Variants in NACC2 observed in about 807,000 individuals in gnomAD.
NACC2 encodes the protein NACC family member 2.
NACC2 carries 8 observed loss-of-function variants against 25.1 expected under a neutral mutation model. That is an observed-to-expected ratio of 0.32 (90% CI 0.19 to 0.57). NACC2 has a LOEUF of 0.57. Ranked by LOEUF, NACC2 falls within the 20% of genes least tolerant of loss-of-function variation. NACC2 has a pLI of 0.89. For missense variants in NACC2, 644 were observed against 650.2 expected (o/e 0.99, Z 0.10); for synonymous variants, 435 against 294.7 (o/e 1.48, Z -4.88).
At chr9:136,081,895 C>T (rs1229484228) in intron 1 of NACC2, among the ~76,000 whole-genome samples, 3 of 152,000 alleles carry the variant, frequency 2.0e-5, no homozygotes, top group Non-Finnish European at 4.4e-5. Flanking sequence ...GTCTTTGCAC[C>T]GCTTCTCGCA....
At chr9:136,071,183 A>G (rs1259134168) in intron 1 of NACC2, among the ~76,000 whole-genome samples, 1 of 151,638 alleles carries the variant, frequency 6.6e-6, no homozygotes, top group Non-Finnish European at 1.5e-5. Flanking sequence ...CGGTGAGCCA[A>G]GATCATGCCA....
At chr9:136,012,654 T>TG (rs1840128897) in intron 5 of NACC2, among the ~76,000 whole-genome samples, 1 of 35,004 alleles carries the variant, frequency 2.9e-5, no homozygotes, top group Admixed American at 2.7e-4. Flanking sequence ...CTCACAAGGT[T>TG]TTTTTTTTTT....
chr9:136,054,527 AGCAGACACACGGGG>A (rs1370732654), intron 1 of NACC2, among the ~76,000 whole-genome samples: 1 of 152,178 alleles, frequency 6.6e-6, no homozygotes, highest in Non-Finnish European at 1.5e-5. Context: ...GGGCCAGGAA[AGCAGACACACGGGG>A]GCTGACCCTC....
chr9:136,034,191 C>T (rs1025198962), intron 2 of NACC2, among the ~76,000 whole-genome samples: 40 of 152,186 alleles, frequency 2.6e-4, no homozygotes, highest in South Asian at 1.7e-3. Context: ...AGGCCAGCGG[C>T]GGAAAAGACC....
Position 136,013,675 on chromosome 9 carries a change from G to A in NACC2, c.1157+189C>T, listed in dbSNP as rs919944008. ...CACAAGCCCGTTTGAGAAAGGCCAC[G>A]AAAGACAGCCCCTCCCTCCCTCCCT... On this transcript the variant is annotated intron_variant, in intron 4 of 5. Coordinates refer to ENST00000277554, the MANE Select transcript of NACC2 (RefSeq NM_144653.5). This position sits in a 1 kb window ranked among gnomAD's most constrained non-coding sequence, Gnocchi z 6.6. 1.3e-5 allele frequency among the ~76,000 whole-genome samples: 2 copies of A among 152,152 alleles called. No homozygotes were observed. Among genetic ancestry groups the A allele is most frequent in the African/African-American group, 2.4e-5 (1 of 41,432 alleles).
rs947312066 is a variant in NACC2 at position 136,050,070 on chromosome 9, G to A, written c.452C>T (p.Pro151Leu). ...EPQSPCNQLQ[P>L]AAAAAAPYVV... ...GTAGGGGGCCGCGGCGGCGGCGGCC[G>A]GCTGCAGCTGGTTGCAGGGGCTCTG... is the stretch of plus-strand genomic sequence containing the variant. The change falls in exon 2 of 6, where the codon CCG (proline) becomes CTG (leucine). Residue 151 changes from proline (P) to leucine (L), a missense_variant. By Grantham distance (98) the Pro-to-Leu change is moderately conservative (BLOSUM62 -3). Transcript: ENST00000277554. The A allele has an allele frequency of 7.6e-5, 56 of 736,094 alleles. No homozygotes were observed. The highest frequency in any genetic ancestry group is 7.1e-4 in the Middle Eastern group (2 of 2,826). The allele number at this position is 736,094 out of a possible 1,614,324, so 45.6% of individuals were successfully genotyped here.
At chr9:136,071,276 G>A (rs1450258414) in intron 1 of NACC2, among the ~76,000 whole-genome samples, 1 of 151,584 alleles carries the variant, frequency 6.6e-6, no homozygotes, top group South Asian at 2.1e-4. Context: ...TGGGCGCGGT[G>A]GCTCACGCCT....
intron 1 of NACC2, among the ~76,000 whole-genome samples, chr9:136,089,364 C>G (rs1012847927): frequency 4.6e-5 from 7 of 152,062 alleles, no homozygotes; most frequent in Non-Finnish European, 7.4e-5. Flanking sequence ...ACAGCCACCC[C>G]CCTTGCTAGA....
intron 1 of NACC2, among the ~76,000 whole-genome samples, chr9:136,094,679 G>C (rs1830469089): frequency 6.6e-6 from 1 of 152,108 alleles, no homozygotes. Flanking sequence ...CACCTGGACC[G>C]GGAGGGCGAG....
In NACC2 at chr9:136,055,813, C is replaced by T. The variant is rs1029057814; in HGVS notation, c.-59-5233G>A. 6.6e-6 allele frequency among the ~76,000 whole-genome samples: 1 copy of T among 152,088 alleles called. No homozygotes were observed. Among genetic ancestry groups the T allele is most frequent in the South Asian group, 2.1e-4 (1 of 4,830 alleles). On this transcript the variant is annotated intron_variant, in intron 1 of 5. Coordinates refer to ENST00000277554, the MANE Select transcript of NACC2 (RefSeq NM_144653.5). This position sits in a 1 kb window ranked among gnomAD's most constrained non-coding sequence, Gnocchi z 4.9. Reference sequence around the variant, plus strand: ...AGAGTCCCTCTACCCCGAGCCCCGGCCCCTGGTGGAGACTGCCTGGCAGTT... The same window carrying T: ...AGAGTCCCTCTACCCCGAGCCCCGGTCCCTGGTGGAGACTGCCTGGCAGTT...
Position 136,049,697 on chromosome 9 carries a change from G to A in NACC2, c.825C>T (p.Tyr275=), listed in dbSNP as rs1840786547. The A allele has an allele frequency of 3.8e-6, 3 of 779,364 alleles. No individual in the cohort carries two copies. Among genetic ancestry groups the A allele is most frequent in the South Asian group, 1.3e-5 (1 of 74,586 alleles). 48.3% of individuals were successfully genotyped at this position (779,364 alleles called of 1,614,324 possible). A position where few individuals can be genotyped will look rare whatever the true frequency, so the allele number is the denominator to read the frequency against. The change falls in exon 2 of 6, where the codon TAC becomes TAT. Residue 275 remains tyrosine, a synonymous_variant. Coordinates refer to ENST00000277554, the MANE Select transcript of NACC2 (RefSeq NM_144653.5). ...CGTACTGCTCCTCCACCATGGTGTC[G>A]TAGGCCTCGTCGTCCTCCTCGTCCT... ...NEEDEEDDEA[Y]DTMVEEQYGQ...
At position 136,013,364 on chromosome 9, in the gene NACC2, C is replaced by G. The variant is rs369266798; in HGVS notation, c.1158-68G>C. 1 of 1,447,316 alleles carries G rather than the reference C, an allele frequency of 6.9e-7. No homozygotes were observed. The highest frequency in any genetic ancestry group is 1.4e-5 in the African/African-American group (1 of 70,578). The allele number at this position is 1,447,316 out of a possible 1,614,324, so 89.7% of individuals were successfully genotyped here. On this transcript the variant is annotated intron_variant, in intron 4 of 5. Transcript: ENST00000277554. This position sits in a 1 kb window ranked among gnomAD's most constrained non-coding sequence, Gnocchi z 6.6. ...GGAGGGTACCTGGAGGCGACCCGCC[C>G]GCACGAATGCCCTGCTGGGAGGCCA...
rs1564220350 is a variant in NACC2 at position 136,022,482 on chromosome 9, G to A, written c.887-6053C>T. Among the ~76,000 whole-genome samples, 3 of 152,220 alleles carry A rather than the reference G, an allele frequency of 2.0e-5. No individual in the cohort carries two copies. Among genetic ancestry groups the A allele is most frequent in the Non-Finnish European group, 4.4e-5 (3 of 68,030 alleles). On this transcript the variant is annotated intron_variant, in intron 2 of 5. Coordinates refer to ENST00000277554, the MANE Select transcript of NACC2 (RefSeq NM_144653.5). This position sits in a 1 kb window ranked among gnomAD's most constrained non-coding sequence, Gnocchi z 4.4. Reference sequence around the variant, plus strand: ...GGCTGTGGGGCCAACTGGTGCAGACGTGGCATTTAGTGTGGTCACTGCAGC... The same window carrying A: ...GGCTGTGGGGCCAACTGGTGCAGACATGGCATTTAGTGTGGTCACTGCAGC...
chr9:136,085,135 C>A (rs1255445433), intron 1 of NACC2, among the ~76,000 whole-genome samples: 54 of 82,452 alleles, frequency 6.5e-4, no homozygotes, highest in East Asian at 3.3e-3. Flanking sequence ...TCCATTTCTA[C>A]AATTTTTTTT....
chr9:136,082,556 C>T (rs532683395), intron 1 of NACC2, among the ~76,000 whole-genome samples: 8 of 152,322 alleles, frequency 5.3e-5, no homozygotes, highest in South Asian at 4.1e-4. Flanking sequence ...GTCTGGCCCT[C>T]GGAGCCCGAC....
At chr9:136,059,572 A>G (rs1840979467) in intron 1 of NACC2, among the ~76,000 whole-genome samples, 1 of 152,202 alleles carries the variant, frequency 6.6e-6, no homozygotes, top group African/African-American at 2.4e-5. Context: ...CGTTAAACAA[A>G]AGGCAAGTCC....
At chr9:136,031,852 C>T (rs1840478795) in intron 2 of NACC2, among the ~76,000 whole-genome samples, 1 of 152,232 alleles carries the variant, frequency 6.6e-6, no homozygotes, top group Non-Finnish European at 1.5e-5. Flanking sequence ...TTTACTGCTG[C>T]CTCCAGGCCC....
chr9:136,081,726 G>A (rs920435049), intron 1 of NACC2, among the ~76,000 whole-genome samples: 9 of 152,178 alleles, frequency 5.9e-5, no homozygotes, highest in African/African-American at 2.2e-4. Context: ...CCTGGCTCGG[G>A]CCCTGGGGCA....
Position 136,007,513 on chromosome 9 carries a change from GCACA to G in NACC2, c.*3999_*4002del, listed in dbSNP as rs796561896. 1,954 of 138,216 alleles carry G rather than the reference GCACA, an allele frequency of 0.014. 33 individuals are homozygous for G. The highest frequency in any genetic ancestry group is 0.045 in the African/African-American group (1,808 of 39,900). The allele number at this position is 138,216 out of a possible 1,614,324, so 8.6% of individuals were successfully genotyped here. On this transcript the variant is annotated 3_prime_UTR_variant, in exon 6 of 6. Coordinates refer to ENST00000277554, the MANE Select transcript of NACC2 (RefSeq NM_144653.5). Reference sequence around the variant, plus strand: ...CACAGACACACACATGCACAGACGCGCACACACAGACGCACAGACGTGCACACAC... The same window carrying G: ...CACAGACACACACATGCACAGACGCGCACAGACGCACAGACGTGCACACAC...
Sources: gnomAD v4.1 joint callset for allele counts (sites outside exome capture counted in the v4.1 genomes callset) on GRCh38, gnomAD v4.1.1 for gene constraint, Gnocchi (gnomAD v3.1) non-coding constraint, MANE v1.5 for transcripts, NCBI Gene and HGNC (gene_info 2026-07-23, HGNC 2026-07-21) for gene names.